LGR4: variants seen among roughly 807,000 people sequenced by gnomAD.
LGR4 encodes leucine rich repeat containing G protein-coupled receptor 4.
In LGR4, 44 loss-of-function variants were observed where a neutral mutation model predicts 84.8. That is an observed-to-expected ratio of 0.52 (90% CI 0.41 to 0.67). The LOEUF (loss-of-function observed/expected upper bound fraction) is 0.67. Among genes scored for constraint, LGR4 ranks in the 30% least tolerant of loss-of-function variants. LGR4 has a pLI of 0.00. For missense variants in LGR4, 1,032 were observed against 1,131.4 expected (o/e 0.91, Z 1.26); for synonymous variants, 429 against 434.3 (o/e 0.99, Z 0.15).
intron 1 of LGR4, among the ~76,000 whole-genome samples, chr11:27,431,210 A>G (rs1026683866): frequency 6.6e-6 from 1 of 152,192 alleles, no homozygotes; most frequent in Non-Finnish European, 1.5e-5. Context: ...AAAGTGGTCC[A>G]ATGTCACCTG....
At chr11:27,442,657 C>G (rs915643937) in intron 1 of LGR4, among the ~76,000 whole-genome samples, 2 of 152,176 alleles carry the variant, frequency 1.3e-5, no homozygotes, top group African/African-American at 4.8e-5. Context: ...TGAGAAGACT[C>G]TAAAATGAAT....
intron 3 of LGR4, among the ~76,000 whole-genome samples, chr11:27,391,745 A>G (rs1863289423): frequency 6.6e-6 from 1 of 152,154 alleles, no homozygotes; most frequent in African/African-American, 2.4e-5. Context: ...GCATAGATCC[A>G]TACTGAAAAT....
At chr11:27,384,259 T>C in intron 6 of LGR4, 77 bp downstream of exon 6, 1 of 902,130 alleles carries the variant, frequency 1.1e-6, no homozygotes, top group Non-Finnish European at 1.8e-6. Context: ...CCAATATTTT[T>C]TTCTTTTTCT....
chr11:27,368,835 C>T lies in LGR4; in HGVS notation c.1888G>A (p.Glu630Lys), dbSNP rs756992406. 1 of 1,614,144 alleles carries T rather than the reference C, an allele frequency of 6.2e-7. No individual in the cohort carries two copies. The highest frequency in any genetic ancestry group is 1.1e-5 in the South Asian group (1 of 91,080). The stretch of plus-strand genomic sequence containing the variant: ...AGCATTAATAAAAATATGGCACTTT[C>T]TGAGGAGAAAACTGCAAGAAACCCA... ...VAGFLAVFSS[E>K]SAIFLLMLAT... The change falls in exon 18 of 18, where the codon GAA (glutamate) becomes AAA (lysine). Residue 630 changes from glutamate (E) to lysine (K), a missense_variant. Coordinates refer to ENST00000379214, the MANE Select transcript of LGR4 (RefSeq NM_018490.5).
chr11:27,380,663 G>C lies in LGR4; in HGVS notation c.879C>G (p.His293Gln). The change falls in exon 9 of 18, where the codon CAC becomes CAG. Residue 293 changes from histidine (H) to glutamine (Q), a missense_variant. His to Gln is a conservative substitution (Grantham distance 24). Transcript: ENST00000379214. ...PLSFVGNSAF[H>Q]NLSDLHSLVI... ...ACAGGGAATGAAGATCAGATAAATT[G>C]TGAAATGCTGAGTTCCCCACAAAAG... 1 of 1,597,748 alleles carries C rather than the reference G, an allele frequency of 6.3e-7. No individual in the cohort carries two copies. Among genetic ancestry groups the C allele is most frequent in the African/African-American group, 1.3e-5 (1 of 74,748 alleles).
chr11:27,414,752 CAG>C (rs1863779788), intron 1 of LGR4, among the ~76,000 whole-genome samples: 1 of 144,390 alleles, frequency 6.9e-6, no homozygotes, highest in Non-Finnish European at 1.5e-5. Context: ...GGCACCAAAA[CAG>C]GGGTCAGAAA....
At chr11:27,433,357 C>T (rs530930767) in intron 1 of LGR4, among the ~76,000 whole-genome samples, 1 of 151,976 alleles carries the variant, frequency 6.6e-6, no homozygotes, top group African/African-American at 2.4e-5. Flanking sequence ...GGACCACAGG[C>T]GCCTGCCACC....
intron 6 of LGR4, among the ~76,000 whole-genome samples, chr11:27,384,071 A>C (rs1202137194): frequency 2.0e-5 from 3 of 152,196 alleles, no homozygotes; most frequent in African/African-American, 7.2e-5. Context: ...ACATTTCTGG[A>C]AAGGTATAAA....
chr11:27,436,347 G>GAGAA (rs57183310), intron 1 of LGR4, among the ~76,000 whole-genome samples: 55,960 of 134,362 alleles, frequency 0.42, 13,663 homozygotes, highest in South Asian at 0.54. Flanking sequence ...GAGAGAGAGA[G>GAGAA]AGAAAGAAAG....
intron 1 of LGR4, among the ~76,000 whole-genome samples, chr11:27,467,951 A>T: frequency 6.6e-6 from 1 of 152,236 alleles, no homozygotes; most frequent in East Asian, 1.9e-4. Context: ...GTAATTCAGA[A>T]ATCAAAAGAT....
intron 1 of LGR4, among the ~76,000 whole-genome samples, chr11:27,455,076 C>A (rs1864548978): frequency 6.6e-6 from 1 of 152,180 alleles, no homozygotes; most frequent in South Asian, 2.1e-4. Flanking sequence ...CACTTTGTCA[C>A]CCATGCTGGA....
intron 2 of LGR4, among the ~76,000 whole-genome samples, chr11:27,393,938 TTGGG>T (rs1256555409): frequency 1.4e-3 from 6 of 4,298 alleles, no homozygotes; most frequent in Non-Finnish European, 5.2e-3. Flanking sequence ...GCACTGAAGA[TTGGG>T]GGGGGGGGGG....
At chr11:27,461,083 G>A (rs774398695) in intron 1 of LGR4, among the ~76,000 whole-genome samples, 7 of 152,218 alleles carry the variant, frequency 4.6e-5, no homozygotes, top group South Asian at 4.1e-4. Flanking sequence ...AGATTTAACC[G>A]TGCTTAAGAA....
At chr11:27,437,488 T>C (rs1864231779) in intron 1 of LGR4, among the ~76,000 whole-genome samples, 1 of 152,164 alleles carries the variant, frequency 6.6e-6, no homozygotes, top group South Asian at 2.1e-4. Context: ...AAATAGTGAG[T>C]TAAAATTGAG....
intron 1 of LGR4, among the ~76,000 whole-genome samples, chr11:27,445,869 C>A (rs1389586506): frequency 1.4e-5 from 2 of 140,120 alleles, no homozygotes; most frequent in East Asian, 2.1e-4. Context: ...AGAGTGAGAC[C>A]CTGTCTCAAA....
chr11:27,390,839 G>C (rs972737990), intron 4 of LGR4, among the ~76,000 whole-genome samples: 2 of 152,130 alleles, frequency 1.3e-5, no homozygotes, highest in Non-Finnish European at 2.9e-5. Context: ...ATCACCAGCA[G>C]TGCACAAGTT....
intron 10 of LGR4, among the ~76,000 whole-genome samples, chr11:27,379,952 C>G (rs1565072184): frequency 6.6e-6 from 1 of 152,182 alleles, no homozygotes; most frequent in Non-Finnish European, 1.5e-5. Context: ...AACCTTCTAC[C>G]TCCTCCGTGA....
chr11:27,436,073 G>A (rs183779232), intron 1 of LGR4, among the ~76,000 whole-genome samples: 2 of 151,530 alleles, frequency 1.3e-5, no homozygotes, highest in Non-Finnish European at 2.9e-5. Flanking sequence ...TACCACGCCC[G>A]GCTAATTTTT....
chr11:27,404,388 T>C (rs1226842199), intron 2 of LGR4, among the ~76,000 whole-genome samples: 2 of 152,178 alleles, frequency 1.3e-5, no homozygotes, highest in African/African-American at 4.8e-5. Flanking sequence ...AAAGATCTAG[T>C]TGGTTTCACT....
Sources: gnomAD v4.1 joint callset for allele counts (sites outside exome capture counted in the v4.1 genomes callset) on GRCh38, gnomAD v4.1.1 for gene constraint, MANE v1.5 for transcripts, NCBI Gene and HGNC (gene_info 2026-07-23, HGNC 2026-07-21) for gene names.